The following NELL1 variants were observed in gnomAD, a reference collection of about 807,000 sequenced individuals.
The protein encoded by NELL1 is neural EGFL like 1, also known as protein kinase C-binding protein NELL1.
Under a neutral mutation model 107.4 loss-of-function variants are expected in NELL1, and 76 were observed. The observed-to-expected ratio is 0.71, with a 90% CI of 0.59 to 0.86. NELL1 has a LOEUF of 0.86. Ranked by LOEUF, NELL1 falls within the 40% of genes least tolerant of loss-of-function variation. The pLI is 0.00. For missense variants in NELL1, 1,024 were observed against 1,005.5 expected, an observed-to-expected ratio of 1.02 and a Z score of -0.25; for synonymous variants, 353 against 341.2, an observed-to-expected ratio of 1.03 and a Z score of -0.38.
At chr11:21,343,125 A>G (rs1307671393) in intron 14 of NELL1, among the ~76,000 whole-genome samples, 1 of 152,082 alleles carries the variant, frequency 6.6e-6, no homozygotes, top group African/African-American at 2.4e-5. Context: ...GCTCTATTCA[A>G]AATATAAATT....
At chr11:21,296,573 G>C (rs866006650) in intron 14 of NELL1, among the ~76,000 whole-genome samples, 1 of 151,896 alleles carries the variant, frequency 6.6e-6, no homozygotes, top group Non-Finnish European at 1.5e-5. Context: ...TTCAGTGTTT[G>C]GTTACATTGT....
rs191831406 is a variant in NELL1 at position 21,112,651 on chromosome 11, A to G, written c.1301-938A>G. ...TTGCATATGGATTGAATTAGATAAT[A>G]TCTTTACAGATATAAAACATTGGGT... On this transcript the variant is annotated intron_variant, in intron 12 of 19. Coordinates refer to ENST00000357134, the MANE Select transcript of NELL1 (RefSeq NM_006157.5). 2.2e-3 allele frequency among the ~76,000 whole-genome samples: 340 copies of G among 152,184 alleles called. 2 individuals carry two copies. Among genetic ancestry groups the G allele is most frequent in the Non-Finnish European group, 3.4e-3 (234 of 67,960 alleles).
intron 3 of NELL1, among the ~76,000 whole-genome samples, chr11:20,821,534 T>C (rs903902815): frequency 2.6e-5 from 4 of 152,168 alleles, no homozygotes; most frequent in African/African-American, 9.7e-5. Context: ...CATCTTGAAT[T>C]GATTGTAGGG....
chr11:20,810,283 C>G (rs1233604374), intron 3 of NELL1, among the ~76,000 whole-genome samples: 1 of 151,918 alleles, frequency 6.6e-6, no homozygotes, highest in Non-Finnish European at 1.5e-5. Flanking sequence ...TGAGTAAGTT[C>G]TTTAGTGGTG....
intron 5 of NELL1, among the ~76,000 whole-genome samples, chr11:20,908,838 A>G (rs1594254): frequency 0.68 from 102,714 of 152,050 alleles, 36,511 homozygotes; most frequent in Non-Finnish European, 0.81. Flanking sequence ...TTATAGGTAA[A>G]AGAATTGAAA....
At chr11:21,095,980 C>T (rs1186865576) in intron 12 of NELL1, among the ~76,000 whole-genome samples, 1 of 151,196 alleles carries the variant, frequency 6.6e-6, no homozygotes, top group Non-Finnish European at 1.5e-5. Context: ...TTAAAACCAT[C>T]AGATCTCATA....
chr11:21,363,483 G>A (rs1221797242), intron 14 of NELL1, among the ~76,000 whole-genome samples: 1 of 152,130 alleles, frequency 6.6e-6, no homozygotes, highest in African/African-American at 2.4e-5. Flanking sequence ...TTCTTTCAAA[G>A]GATTGGTGAA....
At chr11:20,713,333 T>G (rs1375891104) in intron 2 of NELL1, among the ~76,000 whole-genome samples, 1 of 152,080 alleles carries the variant, frequency 6.6e-6, no homozygotes, top group Non-Finnish European at 1.5e-5. Flanking sequence ...GGGTGGGGCT[T>G]GCTGCAGCCA....
chr11:20,876,844 A>G (rs10766739), intron 4 of NELL1, among the ~76,000 whole-genome samples: 86,917 of 152,104 alleles, frequency 0.57, 28,546 homozygotes, highest in Non-Finnish European at 0.74. Context: ...CCCCTGTCAC[A>G]GTCAGTAAAC....
intron 12 of NELL1, among the ~76,000 whole-genome samples, chr11:21,012,155 G>T (rs529078690): frequency 6.6e-6 from 1 of 152,248 alleles, no homozygotes; most frequent in Admixed American, 6.5e-5. Flanking sequence ...CTACTTTTCA[G>T]TTGCTGCCGC....
chr11:20,708,358 G>A (rs142293417), intron 2 of NELL1, among the ~76,000 whole-genome samples: 2 of 152,304 alleles, frequency 1.3e-5, no homozygotes, highest in East Asian at 3.9e-4. Flanking sequence ...TGTCTGACAA[G>A]CCCCAGTGAG....
chr11:20,827,788 A>C (rs2134032621), intron 3 of NELL1, among the ~76,000 whole-genome samples: 1 of 151,366 alleles, frequency 6.6e-6, no homozygotes, highest in Non-Finnish European at 1.5e-5. Context: ...ATTTTCTTCC[A>C]CCCTAAGTTA....
At chr11:21,084,862 T>C (rs1590621761) in intron 12 of NELL1, among the ~76,000 whole-genome samples, 1 of 152,218 alleles carries the variant, frequency 6.6e-6, no homozygotes, top group African/African-American at 2.4e-5. Context: ...CCTTTTTCAG[T>C]GTGATAATGG....
intron 2 of NELL1, among the ~76,000 whole-genome samples, chr11:20,727,608 C>T (rs1407055758): frequency 2.6e-5 from 4 of 152,132 alleles, no homozygotes; most frequent in Non-Finnish European, 1.5e-5. Context: ...TAATTAGATC[C>T]CATTTGTCAA....
At chr11:21,426,684 A>G (rs1007963366) in intron 15 of NELL1, among the ~76,000 whole-genome samples, 1 of 152,234 alleles carries the variant, frequency 6.6e-6, no homozygotes, top group Non-Finnish European at 1.5e-5. Flanking sequence ...CACAAGTACA[A>G]CATGGTCAAG....
At chr11:21,483,755 A>C (rs1854549887) in intron 15 of NELL1, among the ~76,000 whole-genome samples, 1 of 150,908 alleles carries the variant, frequency 6.6e-6, no homozygotes, top group Admixed American at 6.6e-5. Context: ...ACAAGTATTT[A>C]GCATAAGGTG....
chr11:21,488,741 A>G (rs1009154709), intron 15 of NELL1, among the ~76,000 whole-genome samples: 1 of 152,192 alleles, frequency 6.6e-6, no homozygotes, highest in Non-Finnish European at 1.5e-5. Context: ...TTAAAACGTG[A>G]CAATGGGAAA....
rs968689877 is a variant in NELL1, at chr11:20,970,551, T to C, written c.1300+9991T>C. On this transcript the variant is annotated intron_variant, in intron 12 of 19. Coordinates refer to ENST00000357134, the MANE Select transcript of NELL1 (RefSeq NM_006157.5). ...TGGTGAGAGCAATACATTCTGCCAA[T>C]AGGAGTCAGCACAGGCTGCCCAGAG... 9.9e-5 allele frequency among the ~76,000 whole-genome samples: 15 copies of C among 152,170 alleles called. No homozygotes were observed. In the East Asian group the frequency reaches 2.1e-3, roughly 22 times the overall value.
chr11:21,263,542 A>G (rs965401406), intron 14 of NELL1, among the ~76,000 whole-genome samples: 3 of 152,002 alleles, frequency 2.0e-5, no homozygotes, highest in African/African-American at 7.2e-5. Flanking sequence ...ATCTGCATTC[A>G]GTTGTGTGTG....
Sources: gnomAD v4.1 joint callset for allele counts (sites outside exome capture counted in the v4.1 genomes callset) on GRCh38, gnomAD v4.1.1 for gene constraint, MANE v1.5 for transcripts, NCBI Gene and HGNC (gene_info 2026-07-23, HGNC 2026-07-21) for gene names.